Variants in FAXDC2 observed in about 807,000 individuals in gnomAD.
The protein encoded by FAXDC2 is fatty acid hydroxylase domain containing 2.
A neutral mutation model predicts 40.9 loss-of-function variants in FAXDC2; 41 were observed. That is an observed-to-expected ratio of 1.00 (90% CI 0.78 to 1.30). The LOEUF (loss-of-function observed/expected upper bound fraction) is 1.30. Among genes scored for constraint, FAXDC2 ranks in the 50% most tolerant of loss-of-function variants. The probability of loss-of-function intolerance (pLI) is 0.00; values close to 1 mark genes in which losing one functional copy is unlikely to be tolerated. For synonymous variants in FAXDC2, 157 were observed against 149.3 expected (o/e 1.05, Z -0.38); for missense variants, 390 against 408.8 (o/e 0.95, Z 0.40).
At chr5:154,845,308 T>G (rs1760573365) in intron 1 of FAXDC2, among the ~76,000 whole-genome samples, 1 of 152,270 alleles carries the variant, frequency 6.6e-6, no homozygotes. Context: ...AAGAAGCTCC[T>G]TAACATTGTT....
intron 1 of FAXDC2, among the ~76,000 whole-genome samples, chr5:154,842,226 C>G (rs890860549): frequency 3.9e-5 from 6 of 151,990 alleles, no homozygotes; most frequent in African/African-American, 1.5e-4. Context: ...GAGATGGAGT[C>G]TCACTCTGTC....
intron 4 of FAXDC2, among the ~76,000 whole-genome samples, chr5:154,833,382 A>G (rs558290709): frequency 2.4e-5 from 3 of 126,246 alleles, no homozygotes; most frequent in East Asian, 4.7e-4. Context: ...GTCGTGCCCT[A>G]TTGCCCAGGC....
At chr5:154,828,069 C>T (rs1283799258) in intron 5 of FAXDC2, among the ~76,000 whole-genome samples, 1 of 151,892 alleles carries the variant, frequency 6.6e-6, no homozygotes, top group South Asian at 2.1e-4. Flanking sequence ...GGGCTGGTCT[C>T]GAACTCCTGG....
rs1050471988 is a variant in FAXDC2, at chr5:154,824,698, G to C, written c.367-1106C>G. ...CCCACTATGTAGCACTCAGTGTACT[G>C]GGTGTTGAAAATAAAGCATGAGCAA... On this transcript the variant is annotated intron_variant, in intron 5 of 8. Transcript: ENST00000326080. The C allele has an allele frequency of 3.3e-5, 20 of 603,448 alleles. 1 individual carries two copies. The South Asian group carries it at 3.8e-4, about 11-fold the overall frequency. 37.4% of individuals were successfully genotyped at this position (603,448 alleles called of 1,614,324 possible). A position where few individuals can be genotyped will look rare whatever the true frequency, so the allele number is the denominator to read the frequency against.
At chr5:154,845,599 C>T (rs553161537) in intron 1 of FAXDC2, among the ~76,000 whole-genome samples, 3 of 151,972 alleles carry the variant, frequency 2.0e-5, no homozygotes, top group African/African-American at 4.8e-5. Context: ...AAAAATTAGC[C>T]AGGTGTGGTG....
intron 1 of FAXDC2, among the ~76,000 whole-genome samples, chr5:154,839,204 T>C (rs956580673): frequency 6.6e-6 from 1 of 151,502 alleles, no homozygotes; most frequent in African/African-American, 2.4e-5. Flanking sequence ...TGCATGCCTG[T>C]TGTCCCAGCT....
chr5:154,819,654 T>G lies in FAXDC2; in HGVS notation c.*662A>C, dbSNP rs1050741439. 1 of 152,210 alleles carries G rather than the reference T, an allele frequency of 6.6e-6. No homozygotes were observed. Among genetic ancestry groups the G allele is most frequent in the African/African-American group, 2.4e-5 (1 of 41,388 alleles). The allele number at this position is 152,210 out of a possible 1,614,324, so 9.4% of individuals were successfully genotyped here. The stretch of plus-strand genomic sequence containing the variant: ...AGGGAGGAGCTCCTGGATTTCTTTT[T>G]CTCCCCCACAGAGGGAAACCTTTTG... On this transcript the variant is annotated 3_prime_UTR_variant, in exon 9 of 9. Transcript: ENST00000326080.
At chr5:154,842,212 T>A (rs1227306450) in intron 1 of FAXDC2, among the ~76,000 whole-genome samples, 1 of 151,912 alleles carries the variant, frequency 6.6e-6, no homozygotes, top group East Asian at 1.9e-4. Context: ...TTGTTTTGTT[T>A]TTTGAGATGG....
chr5:154,846,417 C>T (rs1760601737), intron 1 of FAXDC2, among the ~76,000 whole-genome samples: 1 of 151,822 alleles, frequency 6.6e-6, no homozygotes, highest in African/African-American at 2.4e-5. Flanking sequence ...TGCTTTTTGC[C>T]CTATTTTATA....
chr5:154,832,918 CCTT>C (rs769116717), intron 4 of FAXDC2, among the ~76,000 whole-genome samples: 2 of 152,194 alleles, frequency 1.3e-5, no homozygotes, highest in Admixed American at 6.6e-5. Flanking sequence ...TCAGAGTCCT[CCTT>C]CTAGTTGAAA....
intron 7 of FAXDC2, 124 bp downstream of exon 7, chr5:154,822,348 A>G: frequency 1.4e-6 from 1 of 702,434 alleles, no homozygotes; most frequent in Non-Finnish European, 2.6e-6. Flanking sequence ...CTGACAATAA[A>G]TGGTAGCTAT....
chr5:154,843,127 G>A (rs573861735), intron 1 of FAXDC2, among the ~76,000 whole-genome samples: 1 of 152,350 alleles, frequency 6.6e-6, no homozygotes, highest in South Asian at 2.1e-4. Flanking sequence ...AGGATAAAAG[G>A]TTCTGTTGAC....
At chr5:154,842,510 G>GTTT (rs1760499038) in intron 1 of FAXDC2, among the ~76,000 whole-genome samples, 1 of 94,674 alleles carries the variant, frequency 1.1e-5, no homozygotes, top group Non-Finnish European at 2.1e-5. Flanking sequence ...AGCCCTTTGT[G>GTTT]TGTTTTTTTT....
chr5:154,824,445 C>G lies in FAXDC2; in HGVS notation c.367-853G>C, dbSNP rs1049717322. The G allele has an allele frequency of 4.3e-6, 3 of 702,044 alleles. No individual in the cohort carries two copies. In the Admixed American group the frequency reaches 6.0e-5, roughly 14 times the overall value. The allele number at this position is 702,044 out of a possible 1,614,324, so 43.5% of individuals were successfully genotyped here. A position where few individuals can be genotyped will look rare whatever the true frequency, so the allele number is the denominator to read the frequency against. ...AGCGCGACAGGTTCAGAATGGTCCC[C>G]AGCTTGAGGCCTGCCTCTTCCTCCA... is the stretch of plus-strand genomic sequence containing the variant. On this transcript the variant is annotated intron_variant, in intron 5 of 8. Transcript: ENST00000326080.
intron 2 of FAXDC2, chr5:154,836,183 C>G (rs1760344197): frequency 6.6e-6 from 1 of 152,260 alleles, no homozygotes; most frequent in South Asian, 2.1e-4. Context: ...CAGGCACAAG[C>G]CACTGTGCCC....
intron 4 of FAXDC2, among the ~76,000 whole-genome samples, chr5:154,832,821 C>T (rs941991516): frequency 3.9e-5 from 6 of 152,124 alleles, no homozygotes; most frequent in African/African-American, 1.4e-4. Flanking sequence ...TTTTCTACCA[C>T]CTTCTCCATA....
At chr5:154,832,707 A>C (rs1377178432) in intron 4 of FAXDC2, among the ~76,000 whole-genome samples, 1 of 152,148 alleles carries the variant, frequency 6.6e-6, no homozygotes, top group African/African-American at 2.4e-5. Context: ...TCTCTCTCTC[A>C]TATTGGCTTA....
In FAXDC2 at chr5:154,818,979, C is replaced by T. The variant is rs1759805068; in HGVS notation, c.*1337G>A. On this transcript the variant is annotated 3_prime_UTR_variant, in exon 9 of 9. Coordinates refer to ENST00000326080, the MANE Select transcript of FAXDC2 (RefSeq NM_032385.5). ...CTGTGGAAGGCCAGGGAGATGCTGC[C>T]TGGTAAGTGCTCAGCTGGCCTACTG... 1 of 152,238 alleles carries T rather than the reference C, an allele frequency of 6.6e-6. No homozygotes were observed. The highest frequency in any genetic ancestry group is 2.4e-5 in the African/African-American group (1 of 41,444). 9.4% of individuals were successfully genotyped at this position (152,238 alleles called of 1,614,324 possible).
intron 1 of FAXDC2, among the ~76,000 whole-genome samples, chr5:154,841,816 A>G (rs1418836328): frequency 6.6e-6 from 1 of 151,434 alleles, no homozygotes; most frequent in Non-Finnish European, 1.5e-5. Context: ...GCTCACTGCA[A>G]CCTCCGCCTC....
Sources: allele counts gnomAD v4.1 joint callset (sites outside exome capture counted in the v4.1 genomes callset), GRCh38; gene constraint gnomAD v4.1.1; transcripts MANE v1.5; gene names NCBI Gene and HGNC (gene_info 2026-07-23, HGNC 2026-07-21).